SHF: variants seen among roughly 807,000 people sequenced by gnomAD.
The protein encoded by SHF is Src homology 2 domain containing F.
Under a neutral mutation model 42.4 loss-of-function variants are expected in SHF, and 30 were observed. The ratio of observed to expected loss-of-function variants is 0.71; its 90% CI spans 0.53 to 0.96. The LOEUF (loss-of-function observed/expected upper bound fraction) is 0.96. SHF is among the 40% of genes least tolerant of loss of function. The pLI is 0.00. For missense variants in SHF, 598 were observed against 634.0 expected (o/e 0.94, Z 0.61); for synonymous variants, 264 against 269.9 (o/e 0.98, Z 0.21).
chr15:45,184,450 A>G (rs1898281532), intron 1 of SHF, among the ~76,000 whole-genome samples: 1 of 152,218 alleles, frequency 6.6e-6, no homozygotes, highest in South Asian at 2.1e-4. Flanking sequence ...ATATCTGCAC[A>G]CAATTTCTGG....
At chr15:45,192,335 GT>G (rs765992039), upstream of SHF, among the ~76,000 whole-genome samples, 29 of 85,436 alleles carry the variant, frequency 3.4e-4, no homozygotes, top group African/African-American at 6.4e-4. Flanking sequence ...ACTCCCTACA[GT>G]TTTTTTTTTT....
intron 2 of SHF, chr15:45,198,623 G>C (rs1383805753): frequency 2.0e-6 from 2 of 982,000 alleles, no homozygotes; most frequent in Non-Finnish European, 2.9e-6. Flanking sequence ...ACTCGGATTC[G>C]AACCGAGGTT....
chr15:45,171,882 C>A lies in SHF; in HGVS notation c.1280+1G>T, dbSNP rs1303060294. On this transcript the variant is annotated splice_donor_variant, in intron 6 of 6. Coordinates refer to ENST00000690270, the MANE Select transcript of SHF (RefSeq NM_001394037.1). LOFTEE classifies it high-confidence loss of function. ...CTGAAACCACAACTGTCCCCACTCA[C>A]TTGAGGGAGAGGGAGAAGTCATTCT... is the stretch of plus-strand genomic sequence containing the variant. 4 of 1,612,830 alleles carry A rather than the reference C, an allele frequency of 2.5e-6. No homozygotes were observed. The East Asian group carries it at 6.7e-5, about 27-fold the overall frequency.
At chr15:45,198,565 A>G (rs1898945681) in intron 2 of SHF, 5 of 534,630 alleles carry the variant, frequency 9.4e-6, no homozygotes, top group African/African-American at 1.9e-5. Flanking sequence ...AAAAAAGGGG[A>G]AAAAAATACC....
chr15:45,173,529 G>C (rs941250467), intron 4 of SHF, 47 bp downstream of exon 4: 2 of 1,448,196 alleles, frequency 1.4e-6, no homozygotes, highest in African/African-American at 1.4e-5. Flanking sequence ...ACAGGGCCTG[G>C]AGGGGTGAGG....
At chr15:45,177,720 C>G (rs1897891888) in intron 2 of SHF, among the ~76,000 whole-genome samples, 1 of 152,208 alleles carries the variant, frequency 6.6e-6, no homozygotes, top group South Asian at 2.1e-4. Context: ...GTTCCCAAGA[C>G]CAGATCTTAC....
rs910266709 is a variant in SHF, at chr15:45,187,746, G to C, written c.206C>G (p.Pro69Arg). Residue 69 changes from proline to arginine, a missense_variant, in exon 1 of 7, where the codon CCG becomes CGG. By Grantham distance (103) the Pro-to-Arg change is moderately radical. This residue lies in a region of SHF where 159 missense variants were observed against 109.3 expected (regional missense o/e 1.45). Transcript: ENST00000690270. Reference protein sequence around the residue: ...GGGGGGGGSKPAPPEPDYRPP... With the variant: ...GGGGGGGGSKRAPPEPDYRPP... ...GCGGTAGTCGGGCTCGGGGGGCGCC[G>C]GCTTGCTGCCCCCTCCGCCGCCGCC... 2.1e-6 allele frequency: 2 copies of C among 970,726 alleles called. No individual in the cohort carries two copies. The highest frequency in any genetic ancestry group is 2.6e-6 in the Non-Finnish European group (2 of 755,452). 60.1% of individuals were successfully genotyped at this position (970,726 alleles called of 1,614,324 possible). A position where few individuals can be genotyped will look rare whatever the true frequency, so the allele number is the denominator to read the frequency against.
chr15:45,195,648 A>C (rs1898841682), intron 2 of SHF, among the ~76,000 whole-genome samples: 1 of 152,150 alleles, frequency 6.6e-6, no homozygotes, highest in Non-Finnish European at 1.5e-5. Context: ...GTGTGCCTAG[A>C]GCAGCCTCAG....
chr15:45,187,623 G>C lies in SHF; in HGVS notation c.329C>G (p.Ser110Cys). Residue 110 changes from serine to cysteine, a missense_variant, in exon 1 of 7, where the codon TCC (serine) becomes TGC (cysteine). By Grantham distance (112) the Ser-to-Cys change is moderately radical. Transcript: ENST00000690270. ...QRERDFEDPY[S>C]GGSSGSAALA... ...GGCGGCGGAGCCGGACGACCCCCCG[G>C]AGTAGGGGTCTTCGAAGTCGCGCTC... is the stretch of plus-strand genomic sequence containing the variant. 8.1e-7 allele frequency: 1 copy of C among 1,229,932 alleles called. No individual in the cohort carries two copies. Among genetic ancestry groups the C allele is most frequent in the Non-Finnish European group, 1.0e-6 (1 of 986,746 alleles). The allele number at this position is 1,229,932 out of a possible 1,614,324, so 76.2% of individuals were successfully genotyped here.
At chr15:45,178,061 T>C (rs949178589) in intron 2 of SHF, 104 bp downstream of exon 2, 1 of 1,449,990 alleles carries the variant, frequency 6.9e-7, no homozygotes, top group African/African-American at 1.4e-5. Flanking sequence ...ACTTTCTCCA[T>C]ATTTTCCAGG....
At chr15:45,191,991 C>G (rs183805937), upstream of SHF, among the ~76,000 whole-genome samples, 67 of 151,044 alleles carry the variant, frequency 4.4e-4, no homozygotes, top group African/African-American at 1.6e-3. Flanking sequence ...AGATTCACCT[C>G]TTTTTAAATT....
In SHF at chr15:45,172,146, C is replaced by T; in HGVS notation, c.1160+1G>A. 6.2e-6 allele frequency: 10 copies of T among 1,613,922 alleles called. No homozygotes were observed. The highest frequency in any genetic ancestry group is 2.2e-5 in the East Asian group (1 of 44,878). On this transcript the variant is annotated splice_donor_variant, in intron 5 of 6. Coordinates refer to ENST00000690270, the MANE Select transcript of SHF (RefSeq NM_001394037.1). LOFTEE classifies it high-confidence loss of function. The stretch of plus-strand genomic sequence containing the variant: ...GTCCCCAGCTGGACACAGACACTCA[C>T]ACCTGGTTTTCCAGAGGCAGTGCTG...
chr15:45,172,356 T>C, intron 4 of SHF, 38 bp from the exon 5 acceptor site: 6 of 1,533,882 alleles, frequency 3.9e-6, no homozygotes, highest in Non-Finnish European at 5.3e-6. Flanking sequence ...CTAAGGACCC[T>C]AGAGGTCCTC....
In SHF at chr15:45,178,222, T is replaced by C. The variant is rs746629276; in HGVS notation, c.583A>G (p.Lys195Glu). The change falls in exon 2 of 7, where the codon AAG (lysine) becomes GAG (glutamate). Residue 195 changes from lysine (K) to glutamate (E), a missense_variant. Around this residue, in one of 2 missense-constraint regions of SHF, gnomAD observed 439 missense variants for 524.6 expected, o/e 0.84. Coordinates refer to ENST00000690270, the MANE Select transcript of SHF (RefSeq NM_001394037.1). ...GSAGASGAPE[K>E]VPENDGYMEP... ...ATGTAGCCATCATTTTCAGGGACCT[T>C]CTCTGGGGCTCCTGAAGCTCCTGCT... 8 of 1,613,746 alleles carry C rather than the reference T, an allele frequency of 5.0e-6. No homozygotes were observed. The African/African-American group carries it at 1.1e-4, about 22-fold the overall frequency.
In SHF at chr15:45,199,037, C is replaced by CA; in HGVS notation, c.37dup (p.Cys13LeufsTer2). Reference sequence around the variant, plus strand: ...CGAACCCTCCAGGGTTCCGGTCCTACAGGGGGCGCTCCTCACGGGTCCTCC... The same window carrying CA: ...CGAACCCTCCAGGGTTCCGGTCCTACAAGGGGGCGCTCCTCACGGGTCCTCC... On this transcript the variant is annotated frameshift_variant, in exon 2 of 8. Transcript: ENST00000290894. LOFTEE classifies it high-confidence loss of function. The CA allele has an allele frequency of 6.2e-7, 1 of 1,603,806 alleles. No individual in the cohort carries two copies. The highest frequency in any genetic ancestry group is 1.1e-5 in the South Asian group (1 of 90,112).
intron 2 of SHF, among the ~76,000 whole-genome samples, chr15:45,177,826 A>C (rs1486082368): frequency 1.3e-5 from 2 of 152,170 alleles, no homozygotes; most frequent in Non-Finnish European, 2.9e-5. Flanking sequence ...ACTGCCATGA[A>C]GATGTTTCAT....
At chr15:45,196,184 G>GC (rs2141451549) in intron 2 of SHF, among the ~76,000 whole-genome samples, 1 of 138,118 alleles carries the variant, frequency 7.2e-6, no homozygotes, top group African/African-American at 2.7e-5. Flanking sequence ...TGCAACCTCC[G>GC]CCCCCCGGGT....
At chr15:45,200,870 A>G in exon 1 of SHF, 1 of 456,312 alleles carries the variant, frequency 2.2e-6, no homozygotes, top group South Asian at 1.5e-5. Flanking sequence ...TTGGGCCACC[A>G]TTCGGGCGTC....
chr15:45,186,015 C>T (rs1898377512), intron 1 of SHF, among the ~76,000 whole-genome samples: 1 of 152,198 alleles, frequency 6.6e-6, no homozygotes, highest in Non-Finnish European at 1.5e-5. Context: ...ACAGCTCAGG[C>T]CCATGTTGCC....
Sources: gnomAD v4.1 joint callset for allele counts (sites outside exome capture counted in the v4.1 genomes callset) on GRCh38, gnomAD v4.1.1 for gene constraint, gnomAD v4.1.1 regional missense constraint, MANE v1.5 for transcripts, NCBI Gene and HGNC (gene_info 2026-07-23, HGNC 2026-07-21) for gene names.